The following RALYL variants were observed in gnomAD, a reference collection of about 807,000 sequenced individuals.
The protein encoded by RALYL is RALY RNA binding protein like, also known as RNA-binding Raly-like protein.
A neutral mutation model predicts 35.1 loss-of-function variants in RALYL; 29 were observed. The ratio of observed to expected loss-of-function variants is 0.83; its 90% CI spans 0.61 to 1.13. The LOEUF (loss-of-function observed/expected upper bound fraction) is 1.13. Ranked by LOEUF, RALYL falls within the 50% of genes most tolerant of loss-of-function variation. RALYL has a pLI of 0.00. For missense variants in RALYL, 359 were observed against 360.4 expected (o/e 1.00, Z 0.03); for synonymous variants, 120 against 127.6 (o/e 0.94, Z 0.40).
chr8:84,616,392 T>G (rs1819655064), intron 2 of RALYL, among the ~76,000 whole-genome samples: 1 of 149,934 alleles, frequency 6.7e-6, no homozygotes, highest in Non-Finnish European at 1.5e-5. Flanking sequence ...CATAAATGTC[T>G]TCTTTTGAGA....
intron 4 of RALYL, among the ~76,000 whole-genome samples, chr8:84,807,455 C>A (rs916780209): frequency 6.6e-6 from 1 of 152,148 alleles, no homozygotes; most frequent in East Asian, 1.9e-4. Flanking sequence ...TTTGCAATTG[C>A]GAATTCTGCT....
intron 1 of RALYL, among the ~76,000 whole-genome samples, chr8:84,249,192 T>C (rs897957368): frequency 6.6e-6 from 1 of 152,030 alleles, no homozygotes; most frequent in African/African-American, 2.4e-5. Flanking sequence ...CAAAATTGGG[T>C]AAGGAATTAA....
intron 2 of RALYL, among the ~76,000 whole-genome samples, chr8:84,650,178 T>TG (rs1828425522): frequency 6.6e-6 from 1 of 152,050 alleles, no homozygotes; most frequent in East Asian, 1.9e-4. Context: ...AAGGAGATTT[T>TG]GGGCTGAGAC....
chr8:84,461,105 G>T (rs926335092), intron 1 of RALYL, among the ~76,000 whole-genome samples: 1 of 151,592 alleles, frequency 6.6e-6, no homozygotes, highest in African/African-American at 2.4e-5. Flanking sequence ...AATATGCTAT[G>T]AATGTTATTA....
At chr8:84,875,511 TAC>T (rs1387180229) in intron 7 of RALYL, among the ~76,000 whole-genome samples, 1 of 150,366 alleles carries the variant, frequency 6.7e-6, no homozygotes, top group African/African-American at 2.5e-5. Context: ...TTTAAACTTT[TAC>T]AGTCATGAGA....
At chr8:84,898,496 A>T (rs1233615226) in intron 8 of RALYL, among the ~76,000 whole-genome samples, 1 of 152,228 alleles carries the variant, frequency 6.6e-6, no homozygotes, top group Non-Finnish European at 1.5e-5. Context: ...GGGATAGAGC[A>T]CATGGTACAT....
chr8:84,702,982 G>A (rs1205708833), intron 2 of RALYL, among the ~76,000 whole-genome samples: 6 of 152,150 alleles, frequency 3.9e-5, no homozygotes, highest in Non-Finnish European at 8.8e-5. Context: ...GATTCTTGAA[G>A]AGGGCAGGAA....
At chr8:84,919,576 C>A (rs1159459097) in intron 8 of RALYL, among the ~76,000 whole-genome samples, 1 of 151,664 alleles carries the variant, frequency 6.6e-6, no homozygotes, top group Non-Finnish European at 1.5e-5. Flanking sequence ...TTTCAAAATT[C>A]ATATATATGT....
rs558402817 is a variant in RALYL, at chr8:84,527,128, G to C, written c.-23-2171G>C. ...AAACTTACTCTTATAAACACTGATA[G>C]AAACTGACAAGTCGGTGGTTGTGAA... On this transcript the variant is annotated intron_variant, in intron 1 of 8. Transcript: ENST00000521268. 5.9e-5 allele frequency among the ~76,000 whole-genome samples: 9 copies of C among 152,328 alleles called. No homozygotes were observed. In the South Asian group the frequency reaches 1.9e-3, roughly 32 times the overall value.
At chr8:84,304,364 G>A (rs898015451) in intron 1 of RALYL, among the ~76,000 whole-genome samples, 11 of 151,998 alleles carry the variant, frequency 7.2e-5, no homozygotes, top group East Asian at 1.9e-4. Context: ...TGATCTGCCC[G>A]TCTCTGCCTC....
intron 1 of RALYL, among the ~76,000 whole-genome samples, chr8:84,389,451 G>T (rs1860086232): frequency 6.6e-6 from 1 of 151,852 alleles, no homozygotes; most frequent in African/African-American, 2.4e-5. Context: ...CCACTTTCAT[G>T]ATATTGATTC....
intron 1 of RALYL, among the ~76,000 whole-genome samples, chr8:84,426,869 G>T (rs2046538720): frequency 6.6e-6 from 1 of 152,042 alleles, no homozygotes; most frequent in Admixed American, 6.6e-5. Flanking sequence ...AATGAAGATT[G>T]GTACAGCCGT....
chr8:84,905,792 GT>G (rs1423995878), intron 8 of RALYL, among the ~76,000 whole-genome samples: 2 of 151,028 alleles, frequency 1.3e-5, no homozygotes, highest in Non-Finnish European at 2.9e-5. Flanking sequence ...TGCCTCCCGG[GT>G]TCAAGCAATT....
chr8:84,618,185 T>C (rs1275485095), intron 2 of RALYL, among the ~76,000 whole-genome samples: 1 of 151,908 alleles, frequency 6.6e-6, no homozygotes, highest in African/African-American at 2.4e-5. Flanking sequence ...TTCTTCCTTG[T>C]ACCTCTGGTA....
At chr8:84,914,568 C>A (rs992445886) in intron 8 of RALYL, among the ~76,000 whole-genome samples, 13 of 151,588 alleles carry the variant, frequency 8.6e-5, no homozygotes, top group Non-Finnish European at 1.8e-4. Context: ...AGCAATGTGA[C>A]TAAATTTTTT....
At chr8:84,215,286 C>T (rs1820526176) in intron 1 of RALYL, among the ~76,000 whole-genome samples, 1 of 151,974 alleles carries the variant, frequency 6.6e-6, no homozygotes, top group African/African-American at 2.4e-5. Flanking sequence ...TGATTTTTGA[C>T]ATATAAAATG....
intron 3 of RALYL, among the ~76,000 whole-genome samples, chr8:84,789,694 C>T (rs1409692977): frequency 6.6e-6 from 1 of 151,944 alleles, no homozygotes; most frequent in Non-Finnish European, 1.5e-5. Flanking sequence ...CCCATCTTTA[C>T]AAAAAATACA....
chr8:84,742,586 G>A (rs1807633785), intron 2 of RALYL, among the ~76,000 whole-genome samples: 1 of 152,002 alleles, frequency 6.6e-6, no homozygotes, highest in Non-Finnish European at 1.5e-5. Context: ...TTCCATGGCT[G>A]TGACTCCAGA....
rs113267638 is a variant in RALYL, at chr8:84,776,080, G to A, written c.332+1426G>A. Among the ~76,000 whole-genome samples, 612 of 152,208 alleles carry A rather than the reference G, an allele frequency of 4.0e-3. 1 individual carries two copies. The highest frequency in any genetic ancestry group is 4.5e-3 in the Non-Finnish European group (308 of 68,006). ...GCTTCCTTTTTCTCTGATATCATTT[G>A]GATAAAGGAGAATTAAGTTATATGT... is the stretch of plus-strand genomic sequence containing the variant. On this transcript the variant is annotated intron_variant, in intron 3 of 8. Coordinates refer to ENST00000521268, the MANE Select transcript of RALYL (RefSeq NM_173848.7).
Sources: allele counts gnomAD v4.1 joint callset (sites outside exome capture counted in the v4.1 genomes callset), GRCh38; gene constraint gnomAD v4.1.1; transcripts MANE v1.5; gene names NCBI Gene and HGNC (gene_info 2026-07-23, HGNC 2026-07-21).